Variants in LPP observed in about 807,000 individuals in gnomAD.
The protein encoded by LPP is LIM domain containing preferred translocation partner in lipoma, also known as lipoma-preferred partner.
Under a neutral mutation model 60.4 loss-of-function variants are expected in LPP, and 38 were observed. That is an observed-to-expected ratio of 0.63 (90% CI 0.49 to 0.83). LPP has a LOEUF of 0.83. Ranked by LOEUF, LPP falls within the 40% of genes least tolerant of loss-of-function variation. LPP has a pLI of 0.00. For missense variants in LPP, 902 were observed against 783.6 expected (o/e 1.15, Z -1.80); for synonymous variants, 328 against 290.8 (o/e 1.13, Z -1.30).
In LPP at chr3:188,352,764, A is replaced by G. The variant is rs543640616; in HGVS notation, c.-10+11045A>G. On this transcript the variant is annotated intron_variant, in intron 3 of 11. Coordinates refer to ENST00000617246, the MANE Select transcript of LPP (RefSeq NM_001375462.1). This position sits in a 1 kb window ranked among gnomAD's most constrained non-coding sequence, Gnocchi z 4.4. ...CTTCAGTCCTGAAAGCTGCAGAGGG[A>G]TGGGCTGGTGACACTGCCGTGCCTA... is the stretch of plus-strand genomic sequence containing the variant. 6.6e-6 allele frequency among the ~76,000 whole-genome samples: 1 copy of G among 152,208 alleles called. No individual in the cohort carries two copies. The highest frequency in any genetic ancestry group is 1.9e-4 in the East Asian group (1 of 5,168).
chr3:188,500,235 A>T (rs1811434015), intron 5 of LPP, among the ~76,000 whole-genome samples: 1 of 152,070 alleles, frequency 6.6e-6, no homozygotes, highest in Non-Finnish European at 1.5e-5. Flanking sequence ...GTGGGTTTCC[A>T]TCTGTGGCTT....
intron 6 of LPP, among the ~76,000 whole-genome samples, chr3:188,577,129 C>G (rs1222110850): frequency 2.0e-5 from 3 of 152,156 alleles, no homozygotes; most frequent in Non-Finnish European, 4.4e-5. Flanking sequence ...TCACTGAGCT[C>G]TCAAACACTG....
At chr3:188,770,165 A>ATTATTTTTTTTTTTTTTTTTTT (rs1560181309) in intron 9 of LPP, among the ~76,000 whole-genome samples, 1 of 122,986 alleles carries the variant, frequency 8.1e-6, no homozygotes, top group African/African-American at 3.2e-5. Context: ...CATAGTTATA[A>ATTATTTTTTTTTTTTTTTTTTT]TTCTTTTTTT....
chr3:188,502,916 A>G (rs1345033754), intron 5 of LPP, among the ~76,000 whole-genome samples: 3 of 152,118 alleles, frequency 2.0e-5, no homozygotes, highest in South Asian at 4.1e-4. Flanking sequence ...TGCTTCAAGT[A>G]TCGTGTTTAA....
intron 7 of LPP, among the ~76,000 whole-genome samples, chr3:188,688,599 A>G (rs912607219): frequency 6.6e-6 from 1 of 152,230 alleles, no homozygotes; most frequent in African/African-American, 2.4e-5. Context: ...AGTAGTACTC[A>G]GGAGTTTGAC....
chr3:188,457,909 A>C (rs561746992), intron 4 of LPP, among the ~76,000 whole-genome samples: 1 of 152,230 alleles, frequency 6.6e-6, no homozygotes, highest in Admixed American at 6.5e-5. Context: ...ACTCCGTCTC[A>C]AAAAATATCC....
chr3:188,162,172 A>G (rs761974853), intron 1 of LPP, among the ~76,000 whole-genome samples: 2 of 152,206 alleles, frequency 1.3e-5, no homozygotes, highest in Non-Finnish European at 2.9e-5. Context: ...CTTTTAATGT[A>G]GCAAATACAT....
intron 5 of LPP, among the ~76,000 whole-genome samples, chr3:188,491,471 A>G (rs1241859250): frequency 6.6e-6 from 1 of 152,182 alleles, no homozygotes; most frequent in East Asian, 1.9e-4. Context: ...TGAGATGCTT[A>G]TTTCTTCCTG....
chr3:188,841,393 G>GTTTTTTTTT lies in LPP; in HGVS notation c.1411-24798_1411-24790dup, dbSNP rs71169023. Among the ~76,000 whole-genome samples, 114 of 112,864 alleles carry GTTTTTTTTT rather than the reference G, an allele frequency of 1.0e-3. 7 individuals are homozygous for GTTTTTTTTT. The highest frequency in any genetic ancestry group is 2.5e-3 in the African/African-American group (72 of 28,558). The allele number at this position is 112,864 out of a possible 152,430, so 74.0% of individuals were successfully genotyped here. Reference sequence around the variant, plus strand: ...TTGGTCACCTGCCCTTTCTGAATTTGTTTTTTTTTTTTTTTTTGAGATGGA... The same window carrying GTTTTTTTTT: ...TTGGTCACCTGCCCTTTCTGAATTTGTTTTTTTTTTTTTTTTTTTTTTTTTTGAGATGGA... On this transcript the variant is annotated intron_variant, in intron 9 of 11. Transcript: ENST00000617246.
At chr3:188,536,651 A>C (rs938294268) in intron 6 of LPP, among the ~76,000 whole-genome samples, 6 of 152,086 alleles carry the variant, frequency 3.9e-5, no homozygotes, top group Non-Finnish European at 7.4e-5. Context: ...CAGTGGATCC[A>C]TTAAAGTAGC....
At chr3:188,381,575 A>G (rs1776888276) in intron 3 of LPP, among the ~76,000 whole-genome samples, 1 of 152,208 alleles carries the variant, frequency 6.6e-6, no homozygotes. Flanking sequence ...ACACTGGTAC[A>G]CAGGAGTAGG....
At chr3:188,401,903 A>G (rs1452375693) in intron 3 of LPP, among the ~76,000 whole-genome samples, 1 of 152,200 alleles carries the variant, frequency 6.6e-6, no homozygotes. Flanking sequence ...GTAGAAAGTA[A>G]TGCTTATGAT....
rs951779095 is a variant in LPP at position 188,158,207 on chromosome 3, A to G, written c.-190+3955A>G. ...CGCGATTAGAGGATCCAAGCTGAGT[A>G]TGTTCATTGGTGGGTGGGACTTTTC... On this transcript the variant is annotated intron_variant, in intron 1 of 11. Coordinates refer to ENST00000617246, the MANE Select transcript of LPP (RefSeq NM_001375462.1). Among the ~76,000 whole-genome samples, 6 of 152,068 alleles carry G rather than the reference A, an allele frequency of 3.9e-5. No individual in the cohort carries two copies. In the East Asian group the frequency reaches 5.8e-4, roughly 15 times the overall value.
At chr3:188,313,666 G>A (rs9873643) in intron 2 of LPP, among the ~76,000 whole-genome samples, 54,941 of 150,356 alleles carry the variant, frequency 0.37, 10,886 homozygotes, top group East Asian at 0.67. Flanking sequence ...ATAAAATAAT[G>A]TAAAAAAGTT....
intron 2 of LPP, among the ~76,000 whole-genome samples, chr3:188,312,606 A>G (rs1389524717): frequency 6.6e-6 from 1 of 152,186 alleles, no homozygotes; most frequent in Non-Finnish European, 1.5e-5. Flanking sequence ...AAATCTTTGA[A>G]CCATTGAAAT....
At chr3:188,855,949 G>C (rs1308112294) in intron 9 of LPP, among the ~76,000 whole-genome samples, 1 of 152,136 alleles carries the variant, frequency 6.6e-6, no homozygotes, top group Non-Finnish European at 1.5e-5. Context: ...AGCAATTCTA[G>C]TTTAGTGCTG....
chr3:188,173,562 C>T (rs1722216798), intron 1 of LPP, among the ~76,000 whole-genome samples: 1 of 151,792 alleles, frequency 6.6e-6, no homozygotes, highest in Non-Finnish European at 1.5e-5. Flanking sequence ...AGAGTGACTC[C>T]ATCTCAAAAA....
intron 7 of LPP, among the ~76,000 whole-genome samples, chr3:188,633,713 T>C (rs1848230581): frequency 6.6e-6 from 1 of 152,202 alleles, no homozygotes; most frequent in Non-Finnish European, 1.5e-5. Flanking sequence ...TATTTACAAG[T>C]AAAATGGCAG....
chr3:188,343,004 A>T (rs575490262), intron 3 of LPP, among the ~76,000 whole-genome samples: 166 of 151,542 alleles, frequency 1.1e-3, no homozygotes, highest in Admixed American at 1.4e-3. Flanking sequence ...GAAGTTTTTT[A>T]TTTATTTATT....
Sources: gnomAD v4.1 joint callset for allele counts (sites outside exome capture counted in the v4.1 genomes callset) on GRCh38, gnomAD v4.1.1 for gene constraint, Gnocchi (gnomAD v3.1) non-coding constraint, MANE v1.5 for transcripts, NCBI Gene and HGNC (gene_info 2026-07-23, HGNC 2026-07-21) for gene names.